Variants in RSBN1L observed in about 807,000 individuals in gnomAD.
RSBN1L encodes lysine-specific demethylase RSBN1L.
In RSBN1L, 30 loss-of-function variants were observed where a neutral mutation model predicts 67.7. That is an observed-to-expected ratio of 0.44 (90% confidence interval 0.33 to 0.60). RSBN1L has a LOEUF of 0.60. Among genes scored for constraint, RSBN1L ranks in the 20% least tolerant of loss-of-function variants. The pLI, the probability that RSBN1L is intolerant of heterozygous loss-of-function variation, is 0.02. For missense variants in RSBN1L, 992 were observed against 1,031.7 expected (o/e 0.96, Z 0.53); for synonymous variants, 433 against 387.0 (o/e 1.12, Z -1.39).
intron 1 of RSBN1L, among the ~76,000 whole-genome samples, chr7:77,721,707 GTGAATAGT>G (rs1791122265): frequency 6.6e-6 from 1 of 152,184 alleles, no homozygotes; most frequent in Non-Finnish European, 1.5e-5. Context: ...ATATATGTGG[GTGAATAGT>G]TGAAGAAAAG....
At chr7:77,776,460 T>C (rs1382609870) in intron 6 of RSBN1L, among the ~76,000 whole-genome samples, 1 of 152,216 alleles carries the variant, frequency 6.6e-6, no homozygotes, top group Non-Finnish European at 1.5e-5. Flanking sequence ...AGGCAAGCAC[T>C]AATTTACTTT....
At position 77,749,950 on chromosome 7, in the gene RSBN1L, T is replaced by C. The variant is rs763893103; in HGVS notation, c.1230T>C (p.Tyr410=). ...VMGIVHGAAT[Y]LPDFLDYFSF... The stretch of plus-strand genomic sequence containing the variant: ...GTATTGTTCATGGGGCAGCTACTTA[T>C]TTACCTGACTTTTTAGACTATTTTT... The change falls in exon 3 of 8, where the codon TAT becomes TAC. Residue 410 remains tyrosine, a synonymous_variant. Transcript: ENST00000334955. 5.6e-6 allele frequency: 9 copies of C among 1,613,990 alleles called. No homozygotes were observed. In the Admixed American group the frequency reaches 1.2e-4, roughly 21 times the overall value.
At chr7:77,709,722 G>A (rs1347006918) in intron 1 of RSBN1L, among the ~76,000 whole-genome samples, 2 of 152,050 alleles carry the variant, frequency 1.3e-5, no homozygotes, top group African/African-American at 2.4e-5. Context: ...CTAAGTTTCA[G>A]CATTTGGTTT....
intron 2 of RSBN1L, among the ~76,000 whole-genome samples, chr7:77,742,528 C>T (rs571644061): frequency 1.3e-5 from 2 of 152,088 alleles, no homozygotes; most frequent in African/African-American, 4.8e-5. Context: ...AGAAGGAAAA[C>T]AAGTGTTCAG....
intron 1 of RSBN1L, among the ~76,000 whole-genome samples, chr7:77,733,483 G>C (rs1220302887): frequency 1.3e-5 from 2 of 152,124 alleles, no homozygotes; most frequent in South Asian, 2.1e-4. Flanking sequence ...TCATACCCGA[G>C]TGCATATTCT....
At chr7:77,707,971 G>A (rs747636443) in intron 1 of RSBN1L, among the ~76,000 whole-genome samples, 1 of 152,112 alleles carries the variant, frequency 6.6e-6, no homozygotes, top group Non-Finnish European at 1.5e-5. Flanking sequence ...AATACTGTAT[G>A]GAAGTTCAGA....
At chr7:77,721,610 A>G (rs757379830) in intron 1 of RSBN1L, among the ~76,000 whole-genome samples, 6 of 152,226 alleles carry the variant, frequency 3.9e-5, no homozygotes, top group Admixed American at 2.6e-4. Context: ...GGGATGGGCA[A>G]TCGCATTTTA....
chr7:77,727,425 C>T (rs1195667114), intron 1 of RSBN1L, among the ~76,000 whole-genome samples: 1 of 152,188 alleles, frequency 6.6e-6, no homozygotes, highest in Non-Finnish European at 1.5e-5. Context: ...GAATAAAATG[C>T]TCATACTACT....
rs1055152494 is a variant in RSBN1L at position 77,754,359 on chromosome 7, A to G, written c.1344+4295A>G. 1.8e-4 allele frequency among the ~76,000 whole-genome samples: 28 copies of G among 152,216 alleles called. 1 individual carries two copies. The highest frequency in any genetic ancestry group is 2.9e-5 in the Non-Finnish European group (2 of 68,044). ...GCTTAGTATTACATTAAGGCTATAG[A>G]TAAGTTAGGGTAGAATCGATGCCTT... On this transcript the variant is annotated intron_variant, in intron 3 of 7. Transcript: ENST00000334955.
intron 1 of RSBN1L, among the ~76,000 whole-genome samples, chr7:77,724,404 T>G (rs1791163248): frequency 1.3e-5 from 2 of 151,946 alleles, no homozygotes; most frequent in Middle Eastern, 3.4e-3. Flanking sequence ...TAATACATAA[T>G]ATATGAATCC....
At chr7:77,746,788 A>C (rs1791490002) in intron 2 of RSBN1L, among the ~76,000 whole-genome samples, 1 of 152,124 alleles carries the variant, frequency 6.6e-6, no homozygotes, top group Non-Finnish European at 1.5e-5. Context: ...AAAAGGGAGA[A>C]ATTGGCCAAA....
At chr7:77,706,046 C>T (rs1790887378) in intron 1 of RSBN1L, among the ~76,000 whole-genome samples, 1 of 150,484 alleles carries the variant, frequency 6.6e-6, no homozygotes, top group Admixed American at 6.6e-5. Context: ...TTACAGGTGC[C>T]TGCCACCATG....
chr7:77,775,071 C>G (rs1188210163), intron 6 of RSBN1L, among the ~76,000 whole-genome samples: 1 of 152,078 alleles, frequency 6.6e-6, no homozygotes, highest in Admixed American at 6.6e-5. Context: ...ATTACTGTTC[C>G]TTGCAGAGCA....
At position 77,697,017 on chromosome 7, in the gene RSBN1L, C is replaced by T. The variant is rs1790743198; in HGVS notation, c.548C>T (p.Ser183Phe). 3.9e-6 allele frequency: 6 copies of T among 1,525,884 alleles called. No homozygotes were observed. The highest frequency in any genetic ancestry group is 5.3e-6 in the Non-Finnish European group (6 of 1,141,782). 94.5% of individuals were successfully genotyped at this position (1,525,884 alleles called of 1,614,324 possible). Residue 183 changes from serine to phenylalanine, a missense_variant, in exon 1 of 8, where the codon TCC becomes TTC. Physicochemically the swap from Ser to Phe is radical, Grantham distance 155 (BLOSUM62 -2). Transcript: ENST00000334955. Reference protein sequence around the residue: ...LGGAREAGGASREENGEVKPL... With the variant: ...LGGAREAGGAFREENGEVKPL... ...GGGGCCCGAGAGGCCGGCGGGGCCT[C>T]CCGGGAGGAGAACGGGGAGGTGAAG...
chr7:77,731,318 A>T (rs1791268727), intron 1 of RSBN1L, among the ~76,000 whole-genome samples: 1 of 151,900 alleles, frequency 6.6e-6, no homozygotes, highest in South Asian at 2.1e-4. Context: ...GACTCAAGTG[A>T]TCCATCTCAA....
Position 77,696,813 on chromosome 7 carries a change from C to T in RSBN1L, c.344C>T (p.Ser115Leu), listed in dbSNP as rs763259189. ...TCCGCTGGCACGGCCGTTCCCTCCT[C>T]AGCCTCCGCTTCCTTGTCTCAGCCG... ...SFSAGTAVPS[S>L]ASASLSQPVP... The change falls in exon 1 of 8, where the codon TCA (serine) becomes TTA (leucine). Residue 115 changes from serine (S) to leucine (L), a missense_variant. Coordinates refer to ENST00000334955, the MANE Select transcript of RSBN1L (RefSeq NM_198467.3). 4 of 1,613,588 alleles carry T rather than the reference C, an allele frequency of 2.5e-6. No individual in the cohort carries two copies. In the East Asian group the frequency reaches 8.9e-5, roughly 36 times the overall value.
At position 77,779,009 on chromosome 7, in the gene RSBN1L, A is replaced by G. The variant is rs369202910; in HGVS notation, c.2382A>G (p.Gln794=). 46 of 1,614,106 alleles carry G rather than the reference A, an allele frequency of 2.8e-5. No individual in the cohort carries two copies. The East Asian group carries it at 3.8e-4, about 13-fold the overall frequency. Reference sequence around the variant, plus strand: ...TTAAAGCAAAATTGGATCATGTTCAATTTGCAGAATTTAAGATTGACATGG... The same window carrying G: ...TTAAAGCAAAATTGGATCATGTTCAGTTTGCAGAATTTAAGATTGACATGG... ...KNVKAKLDHV[Q]FAEFKIDMDS... Residue 794 remains glutamine (Q), a synonymous_variant, in exon 8 of 8, where the codon CAA becomes CAG. Coordinates refer to ENST00000334955, the MANE Select transcript of RSBN1L (RefSeq NM_198467.3).
At position 77,781,293 on chromosome 7, in the gene RSBN1L, T is replaced by C. The variant is rs1791994540; in HGVS notation, c.*2125T>C. ...AGTAAGGGTTTTGTTTTATATGTCA[T>C]TGTCTTACCATGCTCCCCACCTATT... is the stretch of plus-strand genomic sequence containing the variant. On this transcript the variant is annotated 3_prime_UTR_variant, in exon 8 of 8. Coordinates refer to ENST00000334955, the MANE Select transcript of RSBN1L (RefSeq NM_198467.3). The C allele has an allele frequency of 1.3e-5, 2 of 152,240 alleles. No individual in the cohort carries two copies. Among genetic ancestry groups the C allele is most frequent in the African/African-American group, 4.8e-5 (2 of 41,464 alleles). The allele number at this position is 152,240 out of a possible 1,614,324, so 9.4% of individuals were successfully genotyped here. A position where few individuals can be genotyped will look rare whatever the true frequency, so the allele number is the denominator to read the frequency against.
At chr7:77,726,726 C>G (rs917939114) in intron 1 of RSBN1L, among the ~76,000 whole-genome samples, 9 of 150,252 alleles carry the variant, frequency 6.0e-5, no homozygotes, top group Admixed American at 4.6e-4. Context: ...TCTCTTGTCT[C>G]AGCTTCCCTA....
Sources: gnomAD v4.1 joint callset for allele counts (sites outside exome capture counted in the v4.1 genomes callset) on GRCh38, gnomAD v4.1.1 for gene constraint, MANE v1.5 for transcripts, NCBI Gene and HGNC (gene_info 2026-07-23, HGNC 2026-07-21) for gene names.